The following SLC1A2 variants were observed in gnomAD, a reference collection of about 807,000 sequenced individuals.
SLC1A2 encodes excitatory amino acid transporter 2.
In SLC1A2, 15 loss-of-function variants were observed where a neutral mutation model predicts 48.8. The observed-to-expected ratio is 0.31, with a 90% CI of 0.21 to 0.47. The LOEUF is 0.47. Ranked by LOEUF, SLC1A2 falls within the 20% of genes least tolerant of loss-of-function variation. The pLI, the probability that SLC1A2 is intolerant of heterozygous loss-of-function variation, is 0.99. For missense variants in SLC1A2, 502 were observed against 730.5 expected, an observed-to-expected ratio of 0.69 and a Z score of 3.61; for synonymous variants, 279 against 272.6, an observed-to-expected ratio of 1.02 and a Z score of -0.23.
chr11:35,317,839 A>G (rs1851934319), intron 1 of SLC1A2, among the ~76,000 whole-genome samples: 1 of 152,228 alleles, frequency 6.6e-6, no homozygotes, highest in South Asian at 2.1e-4. Context: ...TGCAAAGGCT[A>G]AAATAGAGAT....
rs188716910 is a variant in SLC1A2 at position 35,266,633 on chromosome 11, A to C, written c.1422-875T>G. ...CATAAGTTCAAGCCAAATCAGTGTG[A>C]AGAATACTTTTGGCCATGTTTACTA... is the stretch of plus-strand genomic sequence containing the variant. On this transcript the variant is annotated intron_variant, in intron 9 of 10. Transcript: ENST00000278379. 6.6e-5 allele frequency among the ~76,000 whole-genome samples: 10 copies of C among 152,318 alleles called. No individual in the cohort carries two copies. In the East Asian group the frequency reaches 9.6e-4, roughly 15 times the overall value.
chr11:35,413,321 T>C (rs1229888976), intron 1 of SLC1A2, among the ~76,000 whole-genome samples: 1 of 152,216 alleles, frequency 6.6e-6, no homozygotes, highest in African/African-American at 2.4e-5. Flanking sequence ...TTTGAAAGCC[T>C]AGCTTTGCCA....
chr11:35,348,299 G>GA (rs1382960258), intron 1 of SLC1A2, among the ~76,000 whole-genome samples: 1 of 152,108 alleles, frequency 6.6e-6, no homozygotes, highest in East Asian at 1.9e-4. Flanking sequence ...TGGAGTTGGT[G>GA]AAAAAACTGT....
chr11:35,308,096 GC>G (rs917056461), intron 4 of SLC1A2, among the ~76,000 whole-genome samples: 4 of 152,210 alleles, frequency 2.6e-5, no homozygotes, highest in African/African-American at 9.7e-5. Context: ...TGCTAAAGAA[GC>G]CTACGTTTGG....
chr11:35,276,299 C>G (rs1314824693), intron 9 of SLC1A2, among the ~76,000 whole-genome samples: 1 of 152,158 alleles, frequency 6.6e-6, no homozygotes, highest in Non-Finnish European at 1.5e-5. Context: ...ACTCTCTTTC[C>G]CTTGATCACA....
intron 6 of SLC1A2, chr11:35,298,928 G>A (rs1851254095): frequency 1.3e-5 from 2 of 152,206 alleles, no homozygotes; most frequent in African/African-American, 4.8e-5. Context: ...GCGTAAAGAT[G>A]CGTAATCTGC....
At position 35,284,251 on chromosome 11, in the gene SLC1A2, A is replaced by C. The variant is rs548639443; in HGVS notation, c.1286+2506T>G. ...CAAACAGCATGATTCTGGCCCAGTT[A>C]CCTCAACTTACTGTGCCTCATTTTC... On this transcript the variant is annotated intron_variant, in intron 8 of 10. Transcript: ENST00000278379. Among the ~76,000 whole-genome samples the C allele has an allele frequency of 1.3e-3, 197 of 152,100 alleles. 1 individual carries two copies. Among genetic ancestry groups the C allele is most frequent in the Admixed American group, 3.0e-3 (46 of 15,274 alleles).
At chr11:35,359,276 G>T (rs1436365787) in intron 1 of SLC1A2, among the ~76,000 whole-genome samples, 7 of 152,240 alleles carry the variant, frequency 4.6e-5, no homozygotes, top group Non-Finnish European at 1.0e-4. Flanking sequence ...GAGGCTGAAA[G>T]TAGAGGACAT....
intron 4 of SLC1A2, among the ~76,000 whole-genome samples, 189 bp from the exon 5 acceptor site, chr11:35,306,431 C>T (rs1399797014): frequency 6.6e-6 from 1 of 152,164 alleles, no homozygotes; most frequent in African/African-American, 2.4e-5. Flanking sequence ...TTTTATTATA[C>T]ACAGTGAGAT....
intron 1 of SLC1A2, among the ~76,000 whole-genome samples, chr11:35,385,360 T>C (rs1013866248): frequency 6.6e-6 from 1 of 152,236 alleles, no homozygotes; most frequent in African/African-American, 2.4e-5. Context: ...AAGGGAAATA[T>C]TATCTCCCTT....
intron 1 of SLC1A2, among the ~76,000 whole-genome samples, chr11:35,335,798 A>G (rs574682309): frequency 6.6e-6 from 1 of 152,316 alleles, no homozygotes; most frequent in African/African-American, 2.4e-5. Flanking sequence ...CCCTGTCTCT[A>G]CCAAAAACAA....
At chr11:35,310,727 C>T (rs938574631) in intron 4 of SLC1A2, among the ~76,000 whole-genome samples, 7 of 152,188 alleles carry the variant, frequency 4.6e-5, no homozygotes, top group Non-Finnish European at 7.4e-5. Context: ...CCGGGGTGTG[C>T]GGGATGTGTT....
At chr11:35,304,456 C>T (rs1347353304) in intron 5 of SLC1A2, among the ~76,000 whole-genome samples, 2 of 152,118 alleles carry the variant, frequency 1.3e-5, no homozygotes, top group Non-Finnish European at 2.9e-5. Context: ...AAGAGCTGCT[C>T]GGTGGTGGGT....
At chr11:35,334,523 C>T (rs1043453143) in intron 1 of SLC1A2, among the ~76,000 whole-genome samples, 1 of 152,156 alleles carries the variant, frequency 6.6e-6, no homozygotes, top group East Asian at 1.9e-4. Flanking sequence ...AAAACAAAAG[C>T]AAGTGATGCG....
chr11:35,388,703 T>G (rs1854659709), intron 1 of SLC1A2, among the ~76,000 whole-genome samples: 1 of 152,160 alleles, frequency 6.6e-6, no homozygotes, highest in Non-Finnish European at 1.5e-5. Context: ...CTCAGACATG[T>G]TTTTATTGAA....
chr11:35,307,693 C>T (rs1055609625), intron 4 of SLC1A2, among the ~76,000 whole-genome samples: 8 of 152,196 alleles, frequency 5.3e-5, no homozygotes, highest in Non-Finnish European at 1.0e-4. Context: ...ACTCAGATGA[C>T]CTCACCTCCA....
At chr11:35,295,243 G>T (rs561192092) in intron 6 of SLC1A2, among the ~76,000 whole-genome samples, 1 of 151,816 alleles carries the variant, frequency 6.6e-6, no homozygotes, top group African/African-American at 2.4e-5. Flanking sequence ...TTTGTAGGAG[G>T]TCTCACTATT....
At chr11:35,397,792 A>C (rs1855011887) in intron 1 of SLC1A2, among the ~76,000 whole-genome samples, 1 of 152,128 alleles carries the variant, frequency 6.6e-6, no homozygotes, top group South Asian at 2.1e-4. Flanking sequence ...TCTATGAGGA[A>C]GTGGGCACTC....
chr11:35,395,557 C>G (rs1417228711), intron 1 of SLC1A2, among the ~76,000 whole-genome samples: 1 of 152,072 alleles, frequency 6.6e-6, no homozygotes, highest in Non-Finnish European at 1.5e-5. Flanking sequence ...GCAGGCAAGT[C>G]TCCTAAAGCT....
Sources: allele counts gnomAD v4.1 joint callset (sites outside exome capture counted in the v4.1 genomes callset), GRCh38; gene constraint gnomAD v4.1.1; transcripts MANE v1.5; gene names NCBI Gene and HGNC (gene_info 2026-07-23, HGNC 2026-07-21).